The following ZNF521 variants were observed in gnomAD, a reference collection of about 807,000 sequenced individuals.
ZNF521 encodes the protein zinc finger protein 521, also known as LYST-interacting protein 3.
ZNF521 carries 14 observed loss-of-function variants against 105.5 expected under a neutral mutation model. The observed-to-expected ratio is 0.13, with a 90% CI of 0.09 to 0.21. The LOEUF (loss-of-function observed/expected upper bound fraction) is 0.21, where lower values mean the gene tolerates loss of function less well. Among genes scored for constraint, ZNF521 ranks in the 10% least tolerant of loss-of-function variants. The pLI, the probability that ZNF521 is intolerant of heterozygous loss-of-function variation, is 1.00. For synonymous variants in ZNF521, 635 were observed against 606.0 expected (o/e 1.05, Z -0.70); for missense variants, 1,233 against 1,629.7 (o/e 0.76, Z 4.19).
chr18:25,343,405 A>G (rs972383223), intron 2 of ZNF521, among the ~76,000 whole-genome samples: 6 of 152,228 alleles, frequency 3.9e-5, no homozygotes, highest in East Asian at 1.9e-4. Flanking sequence ...CATTTCCTAC[A>G]GAAGGTTTAG....
chr18:25,227,735 T>C lies in ZNF521; in HGVS notation c.221-38A>G, dbSNP rs754103420. ...GCAATGACAAATTTCATCTGACATG[T>C]TGAGATTCAAGAGTGAGTTTACCGT... On this transcript the variant is annotated intron_variant, in intron 3 of 7. Coordinates refer to ENST00000361524, the MANE Select transcript of ZNF521 (RefSeq NM_015461.3). This position sits in a 1 kb window ranked among gnomAD's most constrained non-coding sequence, Gnocchi z 5.7. 21 of 1,555,040 alleles carry C rather than the reference T, an allele frequency of 1.4e-5. No individual in the cohort carries two copies. In the East Asian group the frequency reaches 4.7e-4, roughly 35 times the overall value.
intron 5 of ZNF521, among the ~76,000 whole-genome samples, chr18:25,187,162 CACATTATTTTCCTAAAGA>C (rs1396751769): frequency 2.6e-5 from 4 of 152,030 alleles, no homozygotes; most frequent in Non-Finnish European, 5.9e-5. Context: ...AATTTCTAAG[CACATTATTTTCCTAAAGA>C]ACATTATTTT....
At chr18:25,131,666 T>A (rs971902012) in intron 5 of ZNF521, among the ~76,000 whole-genome samples, 2 of 152,180 alleles carry the variant, frequency 1.3e-5, no homozygotes, top group African/African-American at 4.8e-5. Context: ...GCCCAGAGCC[T>A]TGTACATAGT....
intron 2 of ZNF521, among the ~76,000 whole-genome samples, chr18:25,338,369 AG>A (rs1914015199): frequency 6.6e-6 from 1 of 151,752 alleles, no homozygotes; most frequent in Non-Finnish European, 1.5e-5. Flanking sequence ...AAAAAGTGCT[AG>A]TAGACATATT....
At chr18:25,305,865 A>G (rs1456049853) in intron 3 of ZNF521, among the ~76,000 whole-genome samples, 5 of 152,246 alleles carry the variant, frequency 3.3e-5, no homozygotes, top group African/African-American at 4.8e-5. Flanking sequence ...CTAATAATAG[A>G]TAATGTTTAT....
chr18:25,179,071 C>T (rs1434156831), intron 5 of ZNF521, among the ~76,000 whole-genome samples: 2 of 109,200 alleles, frequency 1.8e-5, no homozygotes, highest in African/African-American at 7.2e-5. Context: ...ACCCCAAACC[C>T]TTTGAAATGT....
chr18:25,236,612 AC>A (rs1906917547), intron 3 of ZNF521, among the ~76,000 whole-genome samples: 1 of 152,158 alleles, frequency 6.6e-6, no homozygotes, highest in Admixed American at 6.5e-5. Context: ...GAAAGACTCT[AC>A]AGTAGGGCCA....
chr18:25,159,877 G>A (rs919400472), intron 5 of ZNF521, among the ~76,000 whole-genome samples: 1 of 152,210 alleles, frequency 6.6e-6, no homozygotes, highest in African/African-American at 2.4e-5. Context: ...GGTTATGCGG[G>A]TGGAGTAAAT....
chr18:25,264,946 C>T (rs1909147858), intron 3 of ZNF521, among the ~76,000 whole-genome samples: 2 of 152,062 alleles, frequency 1.3e-5, no homozygotes, highest in South Asian at 4.2e-4. Flanking sequence ...AGGAAAAAGT[C>T]TGCAGGAAAA....
intron 5 of ZNF521, 152 bp from the exon 6 acceptor site, chr18:25,092,233 T>G (rs2033762050): frequency 1.1e-6 from 1 of 921,600 alleles, no homozygotes; most frequent in Admixed American, 3.3e-5. Flanking sequence ...TTCACATTAT[T>G]CATGAGTTTA....
intron 4 of ZNF521, among the ~76,000 whole-genome samples, chr18:25,195,967 G>A (rs1267381144): frequency 2.0e-5 from 3 of 151,676 alleles, no homozygotes; most frequent in African/African-American, 7.3e-5. Context: ...TCATGGTGCT[G>A]TACAGCTGGG....
chr18:25,332,146 A>C (rs1486405496), intron 2 of ZNF521, among the ~76,000 whole-genome samples: 1 of 151,998 alleles, frequency 6.6e-6, no homozygotes, highest in Non-Finnish European at 1.5e-5. Flanking sequence ...AAGAAAAATA[A>C]TTTGAAAACA....
intron 5 of ZNF521, among the ~76,000 whole-genome samples, chr18:25,178,325 T>C (rs150756374): frequency 1.6e-3 from 247 of 152,366 alleles, no homozygotes; most frequent in Admixed American, 3.7e-3. Context: ...GAGGCACATA[T>C]GTTTTCATGT....
chr18:25,151,332 A>G (rs2035044100), intron 5 of ZNF521, among the ~76,000 whole-genome samples: 1 of 152,092 alleles, frequency 6.6e-6, no homozygotes, highest in East Asian at 1.9e-4. Context: ...TCTTTGATAA[A>G]CCTTCTTTGA....
At chr18:25,234,825 T>C (rs911211255) in intron 3 of ZNF521, among the ~76,000 whole-genome samples, 3 of 152,112 alleles carry the variant, frequency 2.0e-5, no homozygotes, top group Non-Finnish European at 4.4e-5. Flanking sequence ...TTAAAGGGCA[T>C]TTCTGTTTAT....
chr18:25,299,713 G>A (rs1013725568), intron 3 of ZNF521, among the ~76,000 whole-genome samples: 15 of 152,102 alleles, frequency 9.9e-5, no homozygotes, highest in East Asian at 1.9e-4. Context: ...CTATAAACGC[G>A]ACCCATGATA....
intron 3 of ZNF521, among the ~76,000 whole-genome samples, chr18:25,232,149 T>C (rs1225055737): frequency 6.6e-6 from 1 of 152,254 alleles, no homozygotes; most frequent in Non-Finnish European, 1.5e-5. Flanking sequence ...ATGGGTCTGA[T>C]ACTTGTGTAG....
intron 2 of ZNF521, among the ~76,000 whole-genome samples, chr18:25,344,203 T>TAAAAA (rs1914358191): frequency 1.3e-5 from 1 of 76,334 alleles, no homozygotes; most frequent in African/African-American, 5.4e-5. Context: ...AAGTTTTTTA[T>TAAAAA]TAAAAAAAAA....
chr18:25,248,089 C>G (rs748435241), intron 3 of ZNF521, among the ~76,000 whole-genome samples: 7 of 152,100 alleles, frequency 4.6e-5, no homozygotes, highest in Non-Finnish European at 1.0e-4. Context: ...AACAACAGGA[C>G]TCAATACCAA....
Sources: allele counts gnomAD v4.1 joint callset (sites outside exome capture counted in the v4.1 genomes callset), GRCh38; gene constraint gnomAD v4.1.1; non-coding constraint Gnocchi (gnomAD v3.1); transcripts MANE v1.5; gene names NCBI Gene and HGNC (gene_info 2026-07-23, HGNC 2026-07-21).